The following AGTPBP1 variants were observed in gnomAD, a reference collection of about 807,000 sequenced individuals.
The protein encoded by AGTPBP1 is cytosolic carboxypeptidase 1.
A neutral mutation model predicts 143.9 loss-of-function variants in AGTPBP1; 70 were observed. The ratio of observed to expected loss-of-function variants is 0.49; its 90% CI spans 0.40 to 0.59. AGTPBP1 has a LOEUF of 0.59. Among genes scored for constraint, AGTPBP1 ranks in the 20% least tolerant of loss-of-function variants. AGTPBP1 has a pLI of 0.00. For missense variants in AGTPBP1, 1,229 were observed against 1,464.5 expected (o/e 0.84, Z 2.62); for synonymous variants, 463 against 500.2 (o/e 0.93, Z 0.99).
At chr9:85,706,943 T>A (rs10156435) in intron 2 of AGTPBP1, among the ~76,000 whole-genome samples, 34,948 of 148,712 alleles carry the variant, frequency 0.24, 5,866 homozygotes, top group East Asian at 0.77. Flanking sequence ...CTATATATTT[T>A]AAAAAAAAAA....
intron 1 of AGTPBP1, among the ~76,000 whole-genome samples, chr9:85,735,769 T>C (rs562365418): frequency 1.9e-4 from 29 of 152,334 alleles, no homozygotes; most frequent in African/African-American, 6.5e-4. Context: ...TAAAATAATA[T>C]TTTTTAATTC....
chr9:85,794,312 T>C, the AGTPBP1 span, among the ~76,000 whole-genome samples: 4 of 152,280 alleles, frequency 2.6e-5, no homozygotes, highest in Non-Finnish European at 5.9e-5. Context: ...ATTTGGGTCT[T>C]TGATCAATTT....
intron 2 of AGTPBP1, among the ~76,000 whole-genome samples, chr9:85,701,178 C>T (rs1836626084): frequency 6.6e-6 from 1 of 151,612 alleles, no homozygotes; most frequent in Non-Finnish European, 1.5e-5. Flanking sequence ...TCCCAAAGTG[C>T]TGGGATTACA....
intron 14 of AGTPBP1, among the ~76,000 whole-genome samples, chr9:85,622,380 A>T (rs1830989775): frequency 6.6e-6 from 1 of 152,250 alleles, no homozygotes; most frequent in Non-Finnish European, 1.5e-5. Context: ...AAAGGATATT[A>T]ACTCTCACAT....
chr9:85,782,039 T>C, the AGTPBP1 span, among the ~76,000 whole-genome samples: 35 of 152,350 alleles, frequency 2.3e-4, no homozygotes, highest in African/African-American at 8.2e-4. Context: ...TACTTTCTAA[T>C]AATTCTAATA....
rs769160819 is a variant in AGTPBP1, at chr9:85,585,606, A to G, written c.3034-12T>C. 1.2e-5 allele frequency: 19 copies of G among 1,567,476 alleles called. No individual in the cohort carries two copies. Among genetic ancestry groups the G allele is most frequent in the Non-Finnish European group, 1.3e-5 (15 of 1,161,214 alleles). On this transcript the variant is annotated splice_polypyrimidine_tract_variant and intron_variant, in intron 22 of 25. Coordinates refer to ENST00000357081, the MANE Select transcript of AGTPBP1 (RefSeq NM_001330701.2). ...TAATCACAATAAACCTTGAAAATAT[A>G]TATTTTAAAAATTAAAAGACTTCAA...
At chr9:85,690,849 G>A (rs1044559306) in intron 3 of AGTPBP1, among the ~76,000 whole-genome samples, 1 of 152,112 alleles carries the variant, frequency 6.6e-6, no homozygotes, top group African/African-American at 2.4e-5. Context: ...GTATGGTCAG[G>A]AGTATTTTCA....
chr9:85,665,971 G>A (rs1003280199), intron 8 of AGTPBP1, among the ~76,000 whole-genome samples: 1 of 152,070 alleles, frequency 6.6e-6, no homozygotes, highest in Non-Finnish European at 1.5e-5. Flanking sequence ...ATTTTAAAAT[G>A]TTAGATTTAT....
At chr9:85,681,890 C>A (rs1448744124) in intron 3 of AGTPBP1, among the ~76,000 whole-genome samples, 3 of 151,248 alleles carry the variant, frequency 2.0e-5, no homozygotes, top group African/African-American at 7.3e-5. Context: ...GCTGGGATTA[C>A]AAGTGTGTGC....
At chr9:85,760,892 C>T in the AGTPBP1 span, among the ~76,000 whole-genome samples, 2 of 152,184 alleles carry the variant, frequency 1.3e-5, no homozygotes, top group Non-Finnish European at 2.9e-5. Context: ...CCAAAATCTC[C>T]TTAAGCTGAT....
upstream of AGTPBP1, among the ~76,000 whole-genome samples, chr9:85,746,389 A>G (rs1187856161): frequency 6.6e-6 from 1 of 152,160 alleles, no homozygotes; most frequent in Non-Finnish European, 1.5e-5. Flanking sequence ...TACCCCAGAC[A>G]GCATAGGCAT....
At chr9:85,562,208 C>A (rs1260977716) in intron 25 of AGTPBP1, among the ~76,000 whole-genome samples, 1 of 149,480 alleles carries the variant, frequency 6.7e-6, no homozygotes, top group Non-Finnish European at 1.5e-5. Flanking sequence ...AATCTAAAAT[C>A]TACCAATCTA....
intron 1 of AGTPBP1, chr9:85,741,268 C>A (rs1824244101): frequency 1.0e-6 from 1 of 985,460 alleles, no homozygotes; most frequent in Non-Finnish European, 1.2e-6. Flanking sequence ...CACAGCAAAT[C>A]CCACCTTGCT....
At chr9:85,622,683 A>G (rs557623771) in intron 14 of AGTPBP1, among the ~76,000 whole-genome samples, 112 of 152,330 alleles carry the variant, frequency 7.4e-4, no homozygotes, top group Non-Finnish European at 1.5e-3. Flanking sequence ...TAAGCTACAC[A>G]TTCTTGATGT....
chr9:85,593,739 T>C (rs1299536611), intron 18 of AGTPBP1, among the ~76,000 whole-genome samples: 1 of 152,194 alleles, frequency 6.6e-6, no homozygotes. Context: ...TACTGGGTGA[T>C]GAATACATGG....
intron 13 of AGTPBP1, among the ~76,000 whole-genome samples, chr9:85,635,042 T>C (rs757703428): frequency 6.6e-6 from 1 of 152,204 alleles, no homozygotes; most frequent in Admixed American, 6.5e-5. Flanking sequence ...AAGCAAACAC[T>C]TTTCTATACA....
intron 17 of AGTPBP1, among the ~76,000 whole-genome samples, chr9:85,618,000 G>A (rs1830691294): frequency 6.6e-6 from 1 of 152,162 alleles, no homozygotes; most frequent in Non-Finnish European, 1.5e-5. Flanking sequence ...AGCACTTTGG[G>A]AAGCCAAGGT....
At chr9:85,667,163 T>A (rs1587858497) in intron 8 of AGTPBP1, among the ~76,000 whole-genome samples, 1 of 152,270 alleles carries the variant, frequency 6.6e-6, no homozygotes, top group Non-Finnish European at 1.5e-5. Context: ...ACAAACATTT[T>A]GTTTGCTTTG....
chr9:85,570,128 A>C (rs949177467), intron 25 of AGTPBP1, among the ~76,000 whole-genome samples: 1 of 152,166 alleles, frequency 6.6e-6, no homozygotes, highest in Non-Finnish European at 1.5e-5. Flanking sequence ...CTAAGTGACT[A>C]AGGGGTAAAG....
Sources: gnomAD v4.1 joint callset for allele counts (sites outside exome capture counted in the v4.1 genomes callset) on GRCh38, gnomAD v4.1.1 for gene constraint, MANE v1.5 for transcripts, NCBI Gene and HGNC (gene_info 2026-07-23, HGNC 2026-07-21) for gene names.